MTUS1: variants seen among roughly 807,000 people sequenced by gnomAD.
MTUS1 encodes the protein microtubule associated scaffold protein 1.
A neutral mutation model predicts 120.8 loss-of-function variants in MTUS1; 109 were observed. The observed-to-expected ratio is 0.90, with a 90% CI of 0.77 to 1.06. MTUS1 has a LOEUF of 1.06. Among genes scored for constraint, MTUS1 ranks in the 50% least tolerant of loss-of-function variants. The pLI, the probability that MTUS1 is intolerant of heterozygous loss-of-function variation, is 0.00. For missense variants in MTUS1, 2,210 were observed against 1,486.3 expected (o/e 1.49, Z -8.01); for synonymous variants, 737 against 550.5 (o/e 1.34, Z -4.74).
rs371401804 is a variant in MTUS1 at position 17,754,057 on chromosome 8, G to C, written c.1751C>G (p.Thr584Ser). The change falls in exon 2 of 15, where the codon ACT (threonine) becomes AGT (serine). Residue 584 changes from threonine to serine, a missense_variant. Transcript: ENST00000693296. ...AGTTGTAACATGCACAGCCTGGCTA[G>C]TAATGAGTTTATTAAACTGCTGCTT... ...THKQQFNKLITSQAVHVTTHS... is the reference protein window; with the variant it reads ...THKQQFNKLISSQAVHVTTHS... The C allele has an allele frequency of 1.9e-6, 3 of 1,614,106 alleles. No homozygotes were observed. The highest frequency in any genetic ancestry group is 1.3e-5 in the African/African-American group (1 of 75,024).
rs558583782 is a variant in MTUS1 at position 17,656,292 on chromosome 8, C to T, written c.2906-227G>A. Among the ~76,000 whole-genome samples the T allele has an allele frequency of 2.3e-4, 35 of 152,090 alleles. No homozygotes were observed. In the South Asian group the frequency reaches 4.8e-3, roughly 21 times the overall value. ...CCTGTAATCCCAGCACTTTGGGAGG[C>T]TGAGGTGGGGGAATCACCTGAGGTC... On this transcript the variant is annotated intron_variant, in intron 8 of 14. Transcript: ENST00000693296.
chr8:17,694,701 G>A (rs1022436154), intron 6 of MTUS1, among the ~76,000 whole-genome samples: 4 of 151,974 alleles, frequency 2.6e-5, no homozygotes, highest in Non-Finnish European at 5.9e-5. Context: ...AAAAACCAAA[G>A]GTGGGGTTTG....
chr8:17,648,111 T>C (rs1285855967), intron 13 of MTUS1, among the ~76,000 whole-genome samples: 1 of 152,226 alleles, frequency 6.6e-6, no homozygotes, highest in Non-Finnish European at 1.5e-5. Context: ...TATCTCATCC[T>C]AGGGAAACTA....
chr8:17,660,788 T>C (rs1244831761), intron 8 of MTUS1, among the ~76,000 whole-genome samples: 1 of 152,124 alleles, frequency 6.6e-6, no homozygotes, highest in Admixed American at 6.6e-5. Context: ...AATTAAGCCA[T>C]ATGATAGAAA....
intron 1 of MTUS1, among the ~76,000 whole-genome samples, chr8:17,798,565 C>G (rs1339065990): frequency 6.6e-6 from 1 of 152,222 alleles, no homozygotes; most frequent in East Asian, 1.9e-4. Flanking sequence ...AACCCCTGAC[C>G]TCCTGATCCG....
intron 1 of MTUS1, among the ~76,000 whole-genome samples, chr8:17,789,111 C>G (rs970418367): frequency 6.6e-6 from 1 of 151,904 alleles, no homozygotes; most frequent in Non-Finnish European, 1.5e-5. Context: ...CAGCTCACCA[C>G]AACCTCCGCC....
At chr8:17,738,928 C>G (rs901731162) in intron 3 of MTUS1, among the ~76,000 whole-genome samples, 1 of 151,578 alleles carries the variant, frequency 6.6e-6, no homozygotes, top group Non-Finnish European at 1.5e-5. Flanking sequence ...CACTTAAGCC[C>G]AGGAGTTCAA....
intron 2 of MTUS1, among the ~76,000 whole-genome samples, chr8:17,746,980 G>A (rs780512862): frequency 6.6e-6 from 1 of 152,130 alleles, no homozygotes. Context: ...TCCATCTGCT[G>A]TCATTTCTCA....
At chr8:17,768,642 C>G (rs766283753) in intron 1 of MTUS1, among the ~76,000 whole-genome samples, 1 of 152,024 alleles carries the variant, frequency 6.6e-6, no homozygotes, top group Non-Finnish European at 1.5e-5. Flanking sequence ...AGCCTTTTTG[C>G]AGCAATTAGA....
intron 3 of MTUS1, among the ~76,000 whole-genome samples, chr8:17,725,206 A>C (rs1277883960): frequency 6.6e-6 from 1 of 152,156 alleles, no homozygotes; most frequent in Non-Finnish European, 1.5e-5. Flanking sequence ...CTTTGATGAA[A>C]ATGACATTGT....
chr8:17,657,099 A>G (rs563826903), intron 8 of MTUS1, among the ~76,000 whole-genome samples: 2 of 151,592 alleles, frequency 1.3e-5, no homozygotes, highest in South Asian at 4.2e-4. Context: ...GTGGACCTTA[A>G]ACTTGTAGTT....
At chr8:17,748,983 C>T (rs889461199) in intron 2 of MTUS1, among the ~76,000 whole-genome samples, 2 of 152,158 alleles carry the variant, frequency 1.3e-5, no homozygotes, top group African/African-American at 4.8e-5. Context: ...TCTCCCTTTA[C>T]ATTAATGTAA....
chr8:17,759,186 G>T (rs1356932931), intron 1 of MTUS1, among the ~76,000 whole-genome samples: 1 of 151,998 alleles, frequency 6.6e-6, no homozygotes. Flanking sequence ...CGGCCCCAAG[G>T]TTATTTTTTA....
intron 1 of MTUS1, among the ~76,000 whole-genome samples, chr8:17,788,038 T>C (rs2131564992): frequency 6.6e-6 from 1 of 152,156 alleles, no homozygotes; most frequent in South Asian, 2.1e-4. Flanking sequence ...GGAGAATGGC[T>C]GGAACCCAGG....
chr8:17,679,210 ACAC>A (rs1219329338), intron 7 of MTUS1, among the ~76,000 whole-genome samples: 1 of 58,342 alleles, frequency 1.7e-5, no homozygotes, highest in Non-Finnish European at 4.3e-5. Flanking sequence ...ACACACACAC[ACAC>A]AAATACCTAT....
intron 1 of MTUS1, among the ~76,000 whole-genome samples, chr8:17,772,384 G>C (rs2050084409): frequency 6.6e-6 from 1 of 152,116 alleles, no homozygotes; most frequent in Non-Finnish European, 1.5e-5. Context: ...ATCCAAACTT[G>C]AATCCCTATT....
intron 1 of MTUS1, among the ~76,000 whole-genome samples, chr8:17,782,626 C>A (rs1396686461): frequency 1.3e-5 from 2 of 152,196 alleles, no homozygotes; most frequent in African/African-American, 2.4e-5. Context: ...TCATATCACA[C>A]CTTTCCTCCA....
At chr8:17,769,551 G>A (rs532693688) in intron 1 of MTUS1, among the ~76,000 whole-genome samples, 5 of 148,866 alleles carry the variant, frequency 3.4e-5, no homozygotes, top group African/African-American at 1.0e-4. Context: ...ATTTCACCGC[G>A]TTAGCCAGGA....
intron 6 of MTUS1, among the ~76,000 whole-genome samples, chr8:17,685,796 C>G (rs1421496624): frequency 6.6e-6 from 1 of 152,114 alleles, no homozygotes; most frequent in Non-Finnish European, 1.5e-5. Context: ...ACTAAAATAT[C>G]CATTGTCCCA....
Sources: gnomAD v4.1 joint callset for allele counts (sites outside exome capture counted in the v4.1 genomes callset) on GRCh38, gnomAD v4.1.1 for gene constraint, MANE v1.5 for transcripts, NCBI Gene and HGNC (gene_info 2026-07-23, HGNC 2026-07-21) for gene names.